The following AP3M2 variants were observed in gnomAD, a reference collection of about 807,000 sequenced individuals.
AP3M2 encodes the protein adaptor related protein complex 3 subunit mu 2, also known as AP-3 complex subunit mu-2.
A neutral mutation model predicts 41.6 loss-of-function variants in AP3M2; 28 were observed. The ratio of observed to expected loss-of-function variants is 0.67; its 90% CI spans 0.50 to 0.92. The LOEUF (loss-of-function observed/expected upper bound fraction) is 0.92. AP3M2 is among the 40% of genes least tolerant of loss of function. The probability of loss-of-function intolerance (pLI) is 0.00; values close to 1 mark genes in which losing one functional copy is unlikely to be tolerated. For synonymous variants in AP3M2, 193 were observed against 186.4 expected, an observed-to-expected ratio of 1.04 and a Z score of -0.29; for missense variants, 427 against 521.4, an observed-to-expected ratio of 0.82 and a Z score of 1.76.
chr8:42,155,273 T>A (rs530616972), intron 2 of AP3M2, among the ~76,000 whole-genome samples: 51 of 152,346 alleles, frequency 3.3e-4, no homozygotes, highest in African/African-American at 1.2e-3. Context: ...TGCCTGGTGG[T>A]CTTGATCCTA....
chr8:42,167,809 T>C lies in AP3M2; in HGVS notation c.1155T>C (p.Ser385=), dbSNP rs761610457. 6.2e-7 allele frequency: 1 copy of C among 1,611,320 alleles called. No individual in the cohort carries two copies. Among genetic ancestry groups the C allele is most frequent in the Non-Finnish European group, 8.5e-7 (1 of 1,179,270 alleles). ...LQFKIQQLAI[S]GLKVNRLDMY... Reference sequence around the variant, plus strand: ...TTAAGATCCAGCAGCTGGCCATTTCTGGTAAGTGACCCAGAGCTCAAGAGG... The same window carrying C: ...TTAAGATCCAGCAGCTGGCCATTTCCGGTAAGTGACCCAGAGCTCAAGAGG... Residue 385 remains serine, a splice_region_variant and synonymous_variant, in exon 8 of 9, where the codon TCT becomes TCC. Transcript: ENST00000396926.
chr8:42,165,958 G>A (rs1032947412), intron 6 of AP3M2, among the ~76,000 whole-genome samples: 3 of 152,146 alleles, frequency 2.0e-5, no homozygotes, highest in Admixed American at 1.3e-4. Context: ...AGCATAAAAC[G>A]CAGTGATTTT....
chr8:42,162,274 G>T lies in AP3M2; in HGVS notation c.446-7G>T, dbSNP rs1254386330. ...GTGTTAAAATACAGTAATATTAATT[G>T]CCTCAGGAAGCACGAATGTGGGTGA... is the stretch of plus-strand genomic sequence containing the variant. On this transcript the variant is annotated splice_polypyrimidine_tract_variant and splice_region_variant and intron_variant, in intron 3 of 8. Coordinates refer to ENST00000396926, the MANE Select transcript of AP3M2 (RefSeq NM_006803.4). 1 of 1,605,226 alleles carries T rather than the reference G, an allele frequency of 6.2e-7. No homozygotes were observed. Among genetic ancestry groups the T allele is most frequent in the Non-Finnish European group, 8.5e-7 (1 of 1,176,816 alleles).
At position 42,165,068 on chromosome 8, in the gene AP3M2, C is replaced by T. The variant is rs1804603046; in HGVS notation, c.584-3C>T. ...TGTTCTTTTTGTCTTATTCCTGTCTCAGGCTCCACAATTACTGCTGAGATC... is the reference window on the plus strand; with the variant it reads ...TGTTCTTTTTGTCTTATTCCTGTCTTAGGCTCCACAATTACTGCTGAGATC... On this transcript the variant is annotated splice_region_variant and splice_polypyrimidine_tract_variant and intron_variant, in intron 4 of 8. Transcript: ENST00000396926. 6.2e-7 allele frequency: 1 copy of T among 1,613,016 alleles called. No individual in the cohort carries two copies. The highest frequency in any genetic ancestry group is 8.5e-7 in the Non-Finnish European group (1 of 1,179,586).
At chr8:42,153,679 TG>T (rs1275529606) in intron 1 of AP3M2, 2 of 132,994 alleles carry the variant, frequency 1.5e-5, no homozygotes, top group African/African-American at 5.7e-5. Context: ...TTTTTGGAGG[TG>T]GAGGGGGCGG....
chr8:42,166,831 T>C (rs991572876), intron 6 of AP3M2: 98 of 283,130 alleles, frequency 3.5e-4, no homozygotes, highest in African/African-American at 2.0e-3. Context: ...CCAGTGCAAA[T>C]GATGACTGGT....
At chr8:42,157,919 G>T (rs1311675441) in intron 2 of AP3M2, 22 bp from the exon 3 acceptor site, 7 of 1,598,524 alleles carry the variant, frequency 4.4e-6, no homozygotes, top group Non-Finnish European at 6.0e-6. Context: ...AGTGATCAAT[G>T]TGTATATTCT....
At chr8:42,162,907 C>T (rs1370010232) in intron 4 of AP3M2, among the ~76,000 whole-genome samples, 4 of 132,072 alleles carry the variant, frequency 3.0e-5, no homozygotes, top group Non-Finnish European at 4.6e-5. Context: ...GATCATGACA[C>T]TGCACTCCAG....
chr8:42,170,700 A>G lies in AP3M2; in HGVS notation c.*1639A>G, dbSNP rs1804775605. ...CTGGGATAGTGTACTGTACACAACCAGATGTGTTCCACACTCCGTGACTCC... is the reference window on the plus strand; with the variant it reads ...CTGGGATAGTGTACTGTACACAACCGGATGTGTTCCACACTCCGTGACTCC... On this transcript the variant is annotated 3_prime_UTR_variant, in exon 9 of 9. Transcript: ENST00000396926. The G allele has an allele frequency of 6.6e-6, 1 of 152,258 alleles. No individual in the cohort carries two copies. Among genetic ancestry groups the G allele is most frequent in the Non-Finnish European group, 1.5e-5 (1 of 68,048 alleles). 9.4% of individuals were successfully genotyped at this position (152,258 alleles called of 1,614,324 possible).
chr8:42,166,743 G>A (rs997194471), intron 6 of AP3M2, among the ~76,000 whole-genome samples: 7 of 151,838 alleles, frequency 4.6e-5, no homozygotes, highest in African/African-American at 1.7e-4. Context: ...CTCCAACCAG[G>A]CTGACCGAGC....
At position 42,165,299 on chromosome 8, in the gene AP3M2, T is replaced by G. The variant is rs554780824; in HGVS notation, c.670-128T>G. 32 of 1,449,446 alleles carry G rather than the reference T, an allele frequency of 2.2e-5. No homozygotes were observed. In the South Asian group the frequency reaches 3.7e-4, roughly 17 times the overall value. The allele number at this position is 1,449,446 out of a possible 1,614,324, so 89.8% of individuals were successfully genotyped here. On this transcript the variant is annotated intron_variant, in intron 5 of 8. Coordinates refer to ENST00000396926, the MANE Select transcript of AP3M2 (RefSeq NM_006803.4). ...GTCTCAGGCTTGAATTTTCTAGAAG[T>G]CACTACATGATTTCTGTGTGTGTGT...
chr8:42,168,527 AT>A (rs1160065135), intron 8 of AP3M2, among the ~76,000 whole-genome samples: 1 of 152,236 alleles, frequency 6.6e-6, no homozygotes, highest in Non-Finnish European at 1.5e-5. Flanking sequence ...TCTATACCAT[AT>A]AAAATATTCT....
intron 2 of AP3M2, 50 bp from the exon 3 acceptor site, chr8:42,157,891 T>G: frequency 6.6e-7 from 1 of 1,519,896 alleles, no homozygotes; most frequent in East Asian, 2.3e-5. Flanking sequence ...TATTTATTTA[T>G]TTATTTTACA....
In AP3M2 at chr8:42,167,931, T is replaced by A. The variant is rs1432347359; in HGVS notation, c.1156+121T>A. 3.2e-6 allele frequency: 4 copies of A among 1,231,782 alleles called. No homozygotes were observed. The Admixed American group carries it at 7.1e-5, about 22-fold the overall frequency. 76.3% of individuals were successfully genotyped at this position (1,231,782 alleles called of 1,614,324 possible). A position where few individuals can be genotyped will look rare whatever the true frequency, so the allele number is the denominator to read the frequency against. ...TACAAGGTTTAGTTTCATTACCTGATAAACAATCTTTAGTAACATCTTTTC... is the reference window on the plus strand; with the variant it reads ...TACAAGGTTTAGTTTCATTACCTGAAAAACAATCTTTAGTAACATCTTTTC... On this transcript the variant is annotated intron_variant, in intron 8 of 8. Transcript: ENST00000396926.
At chr8:42,167,117 A>G (rs1804659272) in intron 6 of AP3M2, 47 bp from the exon 7 acceptor site, 1 of 1,566,410 alleles carries the variant, frequency 6.4e-7, no homozygotes, top group Non-Finnish European at 8.8e-7. Context: ...AAGAACTACC[A>G]TTTTCCCAGT....
intron 4 of AP3M2, 82 bp from the exon 5 acceptor site, chr8:42,164,989 A>T: frequency 2.5e-6 from 3 of 1,197,764 alleles, no homozygotes; most frequent in Non-Finnish European, 3.5e-6. Context: ...AGAGGAAGAG[A>T]AGGAGGGAGG....
In AP3M2 at chr8:42,165,059, TTC is replaced by T; in HGVS notation, c.584-11_584-10del. ...AGTAATCTGTGTTCTTTTTGTCTTATTCCTGTCTCAGGCTCCACAATTACTGC... is the reference window on the plus strand; with the variant it reads ...AGTAATCTGTGTTCTTTTTGTCTTATCTGTCTCAGGCTCCACAATTACTGC... On this transcript the variant is annotated splice_polypyrimidine_tract_variant and intron_variant, in intron 4 of 8. Coordinates refer to ENST00000396926, the MANE Select transcript of AP3M2 (RefSeq NM_006803.4). 6.2e-7 allele frequency: 1 copy of T among 1,611,270 alleles called. No homozygotes were observed. The highest frequency in any genetic ancestry group is 8.5e-7 in the Non-Finnish European group (1 of 1,178,546).
At chr8:42,157,855 C>T in intron 2 of AP3M2, 86 bp from the exon 3 acceptor site, 1 of 1,345,272 alleles carries the variant, frequency 7.4e-7, no homozygotes. Flanking sequence ...CAGGCCAGAT[C>T]CTTATTCTCT....
In AP3M2 at chr8:42,155,063, C is replaced by A. The variant is rs78146060; in HGVS notation, c.273+103C>A. ...CATTAAGAAACTTAAAAAAAAAAATCAAAACTCTGGTATTACTCACTTCCT... is the reference window on the plus strand; with the variant it reads ...CATTAAGAAACTTAAAAAAAAAAATAAAAACTCTGGTATTACTCACTTCCT... On this transcript the variant is annotated intron_variant, in intron 2 of 8. Coordinates refer to ENST00000396926, the MANE Select transcript of AP3M2 (RefSeq NM_006803.4). 2.7e-5 allele frequency: 26 copies of A among 980,794 alleles called. No homozygotes were observed. In the East Asian group the frequency reaches 4.3e-4, roughly 16 times the overall value. The allele number at this position is 980,794 out of a possible 1,614,324, so 60.8% of individuals were successfully genotyped here. A position where few individuals can be genotyped will look rare whatever the true frequency, so the allele number is the denominator to read the frequency against.
Sources: gnomAD v4.1 joint callset for allele counts (sites outside exome capture counted in the v4.1 genomes callset) on GRCh38, gnomAD v4.1.1 for gene constraint, MANE v1.5 for transcripts, NCBI Gene and HGNC (gene_info 2026-07-23, HGNC 2026-07-21) for gene names.